COLEC10: variants seen among roughly 807,000 people sequenced by gnomAD.
The protein encoded by COLEC10 is collectin-10.
A neutral mutation model predicts 28.4 loss-of-function variants in COLEC10; 22 were observed. The observed-to-expected ratio is 0.78, with a 90% confidence interval of 0.55 to 1.11. COLEC10 has a LOEUF of 1.11. Ranked by LOEUF, COLEC10 falls within the 50% of genes least tolerant of loss-of-function variation. The pLI is 0.00. For synonymous variants in COLEC10, 125 were observed against 116.1 expected, an observed-to-expected ratio of 1.08 and a Z score of -0.49; for missense variants, 361 against 344.1, an observed-to-expected ratio of 1.05 and a Z score of -0.39.
intron 2 of COLEC10, among the ~76,000 whole-genome samples, chr8:119,015,677 G>A (rs1250062588): frequency 3.9e-5 from 6 of 152,152 alleles, no homozygotes; most frequent in South Asian, 4.1e-4. Flanking sequence ...GCTGGTTCCT[G>A]TGAAAGTTTC....
chr8:119,024,785 C>A (rs1424473246), intron 2 of COLEC10, among the ~76,000 whole-genome samples: 1 of 152,208 alleles, frequency 6.6e-6, no homozygotes, highest in East Asian at 1.9e-4. Context: ...GAGAAGTCAT[C>A]TGACTTACAG....
chr8:118,984,153 TAA>T, the COLEC10 span, among the ~76,000 whole-genome samples: 31 of 151,548 alleles, frequency 2.0e-4, no homozygotes, highest in East Asian at 4.5e-3. Flanking sequence ...ATATAGTAAT[TAA>T]AAAAAAAATG....
At chr8:119,066,901 A>T (rs1207766402), upstream of COLEC10, among the ~76,000 whole-genome samples, 2 of 152,076 alleles carry the variant, frequency 1.3e-5, no homozygotes, top group Non-Finnish European at 2.9e-5. Context: ...CTAACTGAAG[A>T]CCTCTCTGGT....
intron 2 of COLEC10, among the ~76,000 whole-genome samples, chr8:119,049,401 C>CTTTTCTTT (rs1814636780): frequency 1.7e-5 from 1 of 60,082 alleles, no homozygotes; most frequent in Non-Finnish European, 2.9e-5. Context: ...ATTTTCTTTT[C>CTTTTCTTT]TTTTTTTTTT....
chr8:119,056,623 A>G (rs1010687904), intron 2 of COLEC10, among the ~76,000 whole-genome samples: 14 of 150,678 alleles, frequency 9.3e-5, no homozygotes, highest in African/African-American at 3.4e-4. Flanking sequence ...ATTCCTTATT[A>G]TCTGAACAAA....
At chr8:118,971,692 A>T in the COLEC10 span, among the ~76,000 whole-genome samples, 21 of 152,122 alleles carry the variant, frequency 1.4e-4, no homozygotes, top group Admixed American at 4.6e-4. Context: ...AAAATGTTGA[A>T]GTCTGGTTAT....
At chr8:119,087,257 A>G (rs531916966) in intron 1 of COLEC10, among the ~76,000 whole-genome samples, 1 of 152,186 alleles carries the variant, frequency 6.6e-6, no homozygotes, top group Admixed American at 6.5e-5. Flanking sequence ...TTATGATCCC[A>G]CCATGCTTTG....
the COLEC10 span, among the ~76,000 whole-genome samples, chr8:118,978,870 T>C: frequency 6.6e-6 from 1 of 152,198 alleles, no homozygotes; most frequent in South Asian, 2.1e-4. Flanking sequence ...TTTTCTGTCA[T>C]ATTTTCTATC....
the COLEC10 span, among the ~76,000 whole-genome samples, chr8:118,959,660 T>C: frequency 6.6e-6 from 1 of 152,154 alleles, no homozygotes; most frequent in Non-Finnish European, 1.5e-5. Context: ...ATTTTATAAT[T>C]TTAAAGAATG....
intron 3 of COLEC10, among the ~76,000 whole-genome samples, chr8:119,095,693 T>G (rs1432541310): frequency 6.6e-6 from 1 of 152,066 alleles, no homozygotes; most frequent in Non-Finnish European, 1.5e-5. Flanking sequence ...CAGAGTGAGA[T>G]TCTATCTCAA....
intron 1 of COLEC10, among the ~76,000 whole-genome samples, chr8:119,004,393 G>T (rs1563713976): frequency 1.3e-5 from 2 of 151,536 alleles, no homozygotes. Flanking sequence ...GCTAAGAGCT[G>T]CCCCTGAGAG....
At chr8:118,973,562 A>G in the COLEC10 span, among the ~76,000 whole-genome samples, 1 of 151,962 alleles carries the variant, frequency 6.6e-6, no homozygotes, top group Non-Finnish European at 1.5e-5. Context: ...AAGACAAAAG[A>G]ATCTACTAGC....
At chr8:119,028,598 A>G (rs1814235388) in intron 2 of COLEC10, among the ~76,000 whole-genome samples, 1 of 152,186 alleles carries the variant, frequency 6.6e-6, no homozygotes, top group African/African-American at 2.4e-5. Context: ...CCATCATTCA[A>G]TCACCTCCCC....
At chr8:119,070,573 CA>C (rs1815096653) in intron 1 of COLEC10, among the ~76,000 whole-genome samples, 1 of 58,784 alleles carries the variant, frequency 1.7e-5, no homozygotes, top group African/African-American at 9.7e-5. Flanking sequence ...TCTCTCCCCC[CA>C]CCCCTTCTCT....
chr8:119,006,593 T>G (rs1813802862), intron 1 of COLEC10, among the ~76,000 whole-genome samples: 1 of 152,204 alleles, frequency 6.6e-6, no homozygotes, highest in South Asian at 2.1e-4. Flanking sequence ...TAATTAATAT[T>G]GGTCTCTGTA....
the COLEC10 span, among the ~76,000 whole-genome samples, chr8:118,965,708 CAAGAAAAG>C: frequency 6.6e-6 from 1 of 151,900 alleles, no homozygotes; most frequent in Non-Finnish European, 1.5e-5. Flanking sequence ...TCTTTCAAAA[CAAGAAAAG>C]AAGAAAAGGG....
chr8:119,101,317 A>T (rs1279278497), intron 3 of COLEC10, among the ~76,000 whole-genome samples: 1 of 151,986 alleles, frequency 6.6e-6, no homozygotes, highest in Non-Finnish European at 1.5e-5. Context: ...TGAAGCATAA[A>T]CTCTATTTTA....
At chr8:119,062,344 T>G (rs574286154), upstream of COLEC10, among the ~76,000 whole-genome samples, 1 of 152,076 alleles carries the variant, frequency 6.6e-6, no homozygotes. Context: ...CTAAAATAAT[T>G]AAAATAGTAT....
chr8:119,016,972 C>T (rs532677900), intron 2 of COLEC10, among the ~76,000 whole-genome samples: 1 of 145,292 alleles, frequency 6.9e-6, no homozygotes, highest in East Asian at 2.1e-4. Context: ...CCTCGGGCTC[C>T]TGAAGTGCTG....
Sources: allele counts gnomAD v4.1 joint callset (sites outside exome capture counted in the v4.1 genomes callset), GRCh38; gene constraint gnomAD v4.1.1; transcripts MANE v1.5; gene names NCBI Gene and HGNC (gene_info 2026-07-23, HGNC 2026-07-21).